PRKCB: variants seen among roughly 807,000 people sequenced by gnomAD.
The protein encoded by PRKCB is protein kinase C beta type.
A neutral mutation model predicts 81.5 loss-of-function variants in PRKCB; 13 were observed. That is an observed-to-expected ratio of 0.16 (90% CI 0.10 to 0.25). The LOEUF (loss-of-function observed/expected upper bound fraction) is 0.25. Ranked by LOEUF, PRKCB falls within the 10% of genes least tolerant of loss-of-function variation. PRKCB has a pLI of 1.00. For missense variants in PRKCB, 509 were observed against 875.7 expected (o/e 0.58, Z 5.29); for synonymous variants, 335 against 321.4 (o/e 1.04, Z -0.45).
intron 3 of PRKCB, among the ~76,000 whole-genome samples, chr16:24,010,357 A>T (rs2141836946): frequency 6.6e-6 from 1 of 152,364 alleles, no homozygotes; most frequent in Non-Finnish European, 1.5e-5. Context: ...TTCAAGAATT[A>T]CAACTGTGGT....
At chr16:24,198,553 G>T (rs1967912210) in intron 16 of PRKCB, among the ~76,000 whole-genome samples, 1 of 152,166 alleles carries the variant, frequency 6.6e-6, no homozygotes, top group Non-Finnish European at 1.5e-5. Flanking sequence ...GCCCAGGCTG[G>T]TGTCAAAATC....
At chr16:24,082,552 C>T (rs1966263313) in intron 5 of PRKCB, among the ~76,000 whole-genome samples, 1 of 152,146 alleles carries the variant, frequency 6.6e-6, no homozygotes, top group Non-Finnish European at 1.5e-5. Context: ...AGAAATAGAC[C>T]CACACAAATA....
At chr16:24,064,567 A>G (rs1193621649) in intron 5 of PRKCB, among the ~76,000 whole-genome samples, 2 of 152,090 alleles carry the variant, frequency 1.3e-5, no homozygotes, top group South Asian at 4.2e-4. Context: ...GTTGGATGCC[A>G]TATTGTGTGT....
intron 2 of PRKCB, among the ~76,000 whole-genome samples, chr16:23,863,208 ATATATACATACATATATATGTG>A (rs1439837524): frequency 3.6e-5 from 5 of 140,212 alleles, no homozygotes; most frequent in African/African-American, 1.1e-4. Context: ...ATATATGTGT[ATATATACATACATATATATGTG>A]TATATATATA....
Position 23,843,898 on chromosome 16 carries a change from G to A in PRKCB, c.205+6492G>A, listed in dbSNP as rs138689841. Among the ~76,000 whole-genome samples the A allele has an allele frequency of 7.3e-5, 11 of 151,594 alleles. No homozygotes were observed. In the East Asian group the frequency reaches 2.1e-3, roughly 29 times the overall value. ...ATTTTATACACATTTGTACTGTTGG[G>A]GTCTCTCTTCTCTCTGTCTCTGCTT... On this transcript the variant is annotated intron_variant, in intron 2 of 16. Transcript: ENST00000643927.
At chr16:23,862,296 T>C (rs528838864) in intron 2 of PRKCB, among the ~76,000 whole-genome samples, 2 of 152,328 alleles carry the variant, frequency 1.3e-5, no homozygotes, top group South Asian at 2.1e-4. Context: ...GCCCCATGCA[T>C]GCATGGTTCA....
intron 5 of PRKCB, 79 bp from the exon 6 acceptor site, chr16:24,092,712 A>G: frequency 7.2e-7 from 1 of 1,389,626 alleles, no homozygotes; most frequent in Admixed American, 2.1e-5. Context: ...AGAACCTTCC[A>G]CAAGTTCTGC....
At chr16:24,092,979 G>A in intron 6 of PRKCB, 32 bp downstream of exon 6, 3 of 1,598,512 alleles carry the variant, frequency 1.9e-6, no homozygotes, top group Non-Finnish European at 2.6e-6. Flanking sequence ...GAGCATGGGT[G>A]GTGGAGGTTG....
intron 8 of PRKCB, among the ~76,000 whole-genome samples, chr16:24,114,279 A>AT (rs1407021895): frequency 6.7e-6 from 1 of 149,948 alleles, no homozygotes; most frequent in African/African-American, 2.5e-5. Flanking sequence ...AAAAAAAAAA[A>AT]AAATAAGTAG....
intron 5 of PRKCB, among the ~76,000 whole-genome samples, chr16:24,071,997 T>TG (rs1966114052): frequency 6.6e-6 from 1 of 152,140 alleles, no homozygotes; most frequent in Non-Finnish European, 1.5e-5. Flanking sequence ...TACTTGTTTA[T>TG]GGGCTGATTG....
intron 7 of PRKCB, among the ~76,000 whole-genome samples, chr16:24,108,664 TG>T (rs1555497270): frequency 6.6e-6 from 1 of 150,518 alleles, no homozygotes; most frequent in Non-Finnish European, 1.5e-5. Flanking sequence ...AGCACAGGGT[TG>T]GGGGTAAGGT....
At chr16:24,180,136 G>A (rs1384949475) in intron 12 of PRKCB, among the ~76,000 whole-genome samples, 1 of 151,776 alleles carries the variant, frequency 6.6e-6, no homozygotes, top group Non-Finnish European at 1.5e-5. Flanking sequence ...CTAGAGACGG[G>A]GTTTCACCAT....
chr16:23,967,725 C>A lies in PRKCB; in HGVS notation c.206-20783C>A, dbSNP rs182943017. Among the ~76,000 whole-genome samples, 16 of 152,098 alleles carry A rather than the reference C, an allele frequency of 1.1e-4. No homozygotes were observed. The East Asian group carries it at 3.1e-3, about 29-fold the overall frequency. ...TGGAGTGCAATGGCACAACCCCGGC[C>A]CACTGCAACCTCCACCTCCCAGGTT... On this transcript the variant is annotated intron_variant, in intron 2 of 16. Transcript: ENST00000643927.
At chr16:23,962,221 G>A (rs1386583283) in intron 2 of PRKCB, among the ~76,000 whole-genome samples, 1 of 151,982 alleles carries the variant, frequency 6.6e-6, no homozygotes, top group Non-Finnish European at 1.5e-5. Flanking sequence ...CCATTTGGTG[G>A]TGCCATGCAG....
chr16:24,121,184 C>T (rs997232756), intron 8 of PRKCB, among the ~76,000 whole-genome samples: 22 of 152,214 alleles, frequency 1.4e-4, no homozygotes, highest in African/African-American at 5.1e-4. Context: ...TCCATAAATG[C>T]TGTTCCTGCT....
intron 7 of PRKCB, among the ~76,000 whole-genome samples, chr16:24,097,112 C>CTGCAACCT (rs1229382737): frequency 7.7e-5 from 11 of 143,604 alleles, no homozygotes; most frequent in Non-Finnish European, 1.5e-4. Context: ...TCTCGGCTCA[C>CTGCAACCT]TGCAACCTCT....
At chr16:24,084,870 C>T (rs1966292578) in intron 5 of PRKCB, among the ~76,000 whole-genome samples, 1 of 152,116 alleles carries the variant, frequency 6.6e-6, no homozygotes, top group Non-Finnish European at 1.5e-5. Context: ...GTGTGCGGGA[C>T]TTTGCTGTGG....
At chr16:23,897,985 G>A (rs1011553389) in intron 2 of PRKCB, among the ~76,000 whole-genome samples, 6 of 151,582 alleles carry the variant, frequency 4.0e-5, no homozygotes, top group East Asian at 1.9e-4. Flanking sequence ...TGCAACCTCC[G>A]CCTCCCAGGC....
chr16:24,136,202 C>G (rs1411511494), intron 9 of PRKCB, among the ~76,000 whole-genome samples: 6 of 151,554 alleles, frequency 4.0e-5, no homozygotes, highest in Admixed American at 3.9e-4. Flanking sequence ...ACTTACTGCT[C>G]TTCCGCAGCC....
Sources: gnomAD v4.1 joint callset for allele counts (sites outside exome capture counted in the v4.1 genomes callset) on GRCh38, gnomAD v4.1.1 for gene constraint, MANE v1.5 for transcripts, NCBI Gene and HGNC (gene_info 2026-07-23, HGNC 2026-07-21) for gene names.